The following ARHGEF9 variants were observed in gnomAD, a reference collection of about 807,000 sequenced individuals.
ARHGEF9 encodes the protein rho guanine nucleotide exchange factor 9.
Under a neutral mutation model 41.3 loss-of-function variants are expected in ARHGEF9, and 2 were observed. The ratio of observed to expected loss-of-function variants is 0.05; its 90% CI spans 0.02 to 0.15. The LOEUF (loss-of-function observed/expected upper bound fraction) is 0.15, where lower values mean the gene tolerates loss of function less well. ARHGEF9 is among the 10% of genes least tolerant of loss of function. The probability of loss-of-function intolerance (pLI) is 1.00; values close to 1 mark genes in which losing one functional copy is unlikely to be tolerated. For missense variants in ARHGEF9, 225 were observed against 424.7 expected (o/e 0.53, Z 4.13); for synonymous variants, 160 against 154.4 (o/e 1.04, Z -0.27).
chrX:63,671,832 A>G (rs1269012034), intron 6 of ARHGEF9, among the ~76,000 whole-genome samples: 1 of 112,490 alleles, frequency 8.9e-6, no homozygotes, highest in African/African-American at 3.2e-5. Context: ...GGCAAATATG[A>G]CAGAAACTTT....
At chrX:63,649,107 G>A (rs1382273137) in intron 8 of ARHGEF9, among the ~76,000 whole-genome samples, 1 of 111,367 alleles carries the variant, frequency 9.0e-6, no homozygotes, top group Non-Finnish European at 1.9e-5. Context: ...AGACCTAATA[G>A]ACATCTACAG....
chrX:63,740,754 A>G (rs111743955), intron 1 of ARHGEF9, among the ~76,000 whole-genome samples: 1 of 111,530 alleles, frequency 9.0e-6, no homozygotes, highest in Admixed American at 9.5e-5. Flanking sequence ...CTCAGACCCA[A>G]TCTAGGGCCC....
chrX:63,780,678 TG>T (rs1407144189), intron 1 of ARHGEF9, among the ~76,000 whole-genome samples: 1 of 111,941 alleles, frequency 8.9e-6, no homozygotes, highest in Non-Finnish European at 1.9e-5. Flanking sequence ...AAAACAATTG[TG>T]GTTACTTTTA....
At chrX:63,647,566 A>C (rs1301737567) in intron 8 of ARHGEF9, among the ~76,000 whole-genome samples, 10 of 111,157 alleles carry the variant, frequency 9.0e-5, no homozygotes, top group African/African-American at 3.3e-4. Context: ...CAGCCTTGCA[A>C]CCCAGGGATG....
chrX:63,685,688 A>T (rs1186453176), intron 4 of ARHGEF9, among the ~76,000 whole-genome samples: 1 of 111,819 alleles, frequency 8.9e-6, no homozygotes, highest in Non-Finnish European at 1.9e-5. Flanking sequence ...TTGATTTTTG[A>T]CAAAGGTGCC....
rs368528632 is a variant in ARHGEF9, at chrX:63,666,035, T to C, written c.946-18A>G. ...TCCTCGCCCTGGGAAGGACATGTGA[T>C]GATGAGAGGCAGCCAGGCAGAAGGA... On this transcript the variant is annotated intron_variant, in intron 6 of 9. Transcript: ENST00000671741. 1.7e-6 allele frequency: 2 copies of C among 1,205,413 alleles called. No homozygotes were observed. The highest frequency in any genetic ancestry group is 1.1e-6 in the Non-Finnish European group (1 of 894,055).
At chrX:63,659,037 A>T (rs184436467) in intron 7 of ARHGEF9, among the ~76,000 whole-genome samples, 5 of 112,295 alleles carry the variant, frequency 4.5e-5, no homozygotes, top group African/African-American at 6.5e-5. Context: ...AAATTCTGAC[A>T]CCAATTGTGA....
Position 63,638,059 on chromosome X carries a change from T to A in ARHGEF9, c.1541A>T (p.Asn514Ile). The A allele has an allele frequency of 8.3e-7, 1 of 1,211,055 alleles. No individual in the cohort carries two copies. The highest frequency in any genetic ancestry group is 1.1e-6 in the Non-Finnish European group (1 of 895,334). ...TTTGAAGGGGGTTAACCTGCTGAAG[T>A]TTTGCCAGAATGGTGACTGGCTGCG... ...PKRSQSPFWQ[N>I]FSRLTPFKK Residue 514 changes from asparagine (N) to isoleucine (I), a missense_variant, in exon 10 of 10, where the codon AAC (asparagine) becomes ATC (isoleucine). By Grantham distance (149) the Asn-to-Ile change is moderately radical (BLOSUM62 -3). Around this residue, in one of 3 missense-constraint regions of ARHGEF9, gnomAD observed 75 missense variants for 113.2 expected, o/e 0.66. Transcript: ENST00000671741.
chrX:63,729,699 G>C (rs2054166398), intron 1 of ARHGEF9, among the ~76,000 whole-genome samples: 1 of 111,805 alleles, frequency 8.9e-6, no homozygotes. Flanking sequence ...CCTTAGGACA[G>C]CACTACTGTG....
intron 1 of ARHGEF9, among the ~76,000 whole-genome samples, chrX:63,753,439 T>C (rs1422921352): frequency 8.9e-6 from 1 of 111,734 alleles, no homozygotes; most frequent in Non-Finnish European, 1.9e-5. Context: ...ACATTTAAAA[T>C]GTAGTTCAAG....
chrX:63,780,319 A>T (rs373026262), intron 1 of ARHGEF9, among the ~76,000 whole-genome samples: 1 of 111,541 alleles, frequency 9.0e-6, no homozygotes, highest in East Asian at 2.8e-4. Flanking sequence ...ATCAGCTGTT[A>T]AACCTTGCAG....
chrX:63,727,450 G>T (rs2054040957), intron 1 of ARHGEF9: 1 of 111,592 alleles, frequency 9.0e-6, no homozygotes, highest in African/African-American at 3.3e-5. Flanking sequence ...TAACCAACTT[G>T]CAAGCCTGTT....
At chrX:63,731,653 G>A (rs782496745) in intron 1 of ARHGEF9, among the ~76,000 whole-genome samples, 1 of 104,643 alleles carries the variant, frequency 9.6e-6, no homozygotes, top group African/African-American at 3.5e-5. Context: ...TCCACCTCCC[G>A]GGTTCAAGTG....
At chrX:63,765,755 G>A (rs2056103490) in intron 1 of ARHGEF9, among the ~76,000 whole-genome samples, 1 of 112,118 alleles carries the variant, frequency 8.9e-6, no homozygotes, top group South Asian at 3.7e-4. Flanking sequence ...TTTAAAAATT[G>A]TCATGCTAGA....
chrX:63,637,222 A>C lies in ARHGEF9; in HGVS notation c.*806T>G. 1 of 297,676 alleles carries C rather than the reference A, an allele frequency of 3.4e-6. No homozygotes were observed. Among genetic ancestry groups the C allele is most frequent in the African/African-American group, 2.7e-5 (1 of 37,065 alleles). 24.5% of individuals were successfully genotyped at this position (297,676 alleles called of 1,213,427 possible). A position where few individuals can be genotyped will look rare whatever the true frequency, so the allele number is the denominator to read the frequency against. On this transcript the variant is annotated 3_prime_UTR_variant, in exon 10 of 10. Transcript: ENST00000671741. ...ATAGAAGAAACAGCCTGAATGCAAA[A>C]TGTTCCCTGAACAGAAGTCCACTCC...
chrX:63,645,220 G>T (rs782735726), intron 8 of ARHGEF9, among the ~76,000 whole-genome samples: 1 of 110,015 alleles, frequency 9.1e-6, no homozygotes, highest in Non-Finnish European at 1.9e-5. Context: ...ACTCTAAAAT[G>T]ATTTTTTTTT....
At position 63,671,909 on chromosome X, in the gene ARHGEF9, G is replaced by A. The variant is rs150538796; in HGVS notation, c.945+2129C>T. 7.6e-3 allele frequency among the ~76,000 whole-genome samples: 844 copies of A among 111,788 alleles called. 4 individuals are homozygous for A. The highest frequency in any genetic ancestry group is 0.026 in the African/African-American group (793 of 30,813). The stretch of plus-strand genomic sequence containing the variant: ...AAAAGACTTCCTAGAGGACAACTTC[G>A]CTGGAACTGGCAAGTTCCACAGTGA... On this transcript the variant is annotated intron_variant, in intron 6 of 9. Transcript: ENST00000671741.
At chrX:63,702,389 C>T (rs2052245680) in intron 3 of ARHGEF9, among the ~76,000 whole-genome samples, 1 of 112,094 alleles carries the variant, frequency 8.9e-6, no homozygotes, top group African/African-American at 3.2e-5. Flanking sequence ...GTATTTTATA[C>T]CACTGTCTGG....
At chrX:63,762,311 G>A (rs1260679773) in intron 1 of ARHGEF9, among the ~76,000 whole-genome samples, 1 of 112,019 alleles carries the variant, frequency 8.9e-6, no homozygotes. Context: ...TAAGCAGGTA[G>A]GTGGGCAGGT....
Sources: allele counts gnomAD v4.1 joint callset (sites outside exome capture counted in the v4.1 genomes callset), GRCh38; gene constraint gnomAD v4.1.1; regional missense constraint gnomAD v4.1.1; transcripts MANE v1.5; gene names NCBI Gene and HGNC (gene_info 2026-07-23, HGNC 2026-07-21).